Variants in LINGO2 observed in about 807,000 individuals in gnomAD.
LINGO2 encodes leucine rich repeat and Ig domain containing 2, also known as leucine-rich repeat and immunoglobulin-like domain-containing nogo receptor-interacting protein 2.
LINGO2 carries 14 observed loss-of-function variants against 30.6 expected under a neutral mutation model. The observed-to-expected ratio is 0.46, with a 90% confidence interval of 0.30 to 0.72. LINGO2 has a LOEUF of 0.72. Ranked by LOEUF, LINGO2 falls within the 30% of genes least tolerant of loss-of-function variation. LINGO2 has a pLI of 0.07. For missense variants in LINGO2, 729 were observed against 751.7 expected, an observed-to-expected ratio of 0.97 and a Z score of 0.35; for synonymous variants, 317 against 288.5, an observed-to-expected ratio of 1.10 and a Z score of -1.00.
At chr9:28,324,032 T>C (rs1825138583) in intron 3 of LINGO2, among the ~76,000 whole-genome samples, 1 of 152,320 alleles carries the variant, frequency 6.6e-6, no homozygotes, top group Admixed American at 6.5e-5. Flanking sequence ...ACAGCTCTTA[T>C]ATAAACAAAA....
the LINGO2 span, among the ~76,000 whole-genome samples, chr9:29,040,724 G>T: frequency 6.6e-6 from 1 of 151,860 alleles, no homozygotes; most frequent in South Asian, 2.1e-4. Flanking sequence ...AAATTATTAG[G>T]ATGTTATTTC....
intron 4 of LINGO2, among the ~76,000 whole-genome samples, chr9:28,069,688 G>A (rs939469704): frequency 4.6e-5 from 7 of 152,096 alleles, no homozygotes; most frequent in African/African-American, 1.2e-4. Flanking sequence ...TTCTGTCTAC[G>A]TTGAGGAGCA....
At chr9:28,591,058 A>T (rs1193525638) in intron 1 of LINGO2, among the ~76,000 whole-genome samples, 1 of 151,998 alleles carries the variant, frequency 6.6e-6, no homozygotes, top group East Asian at 1.9e-4. Flanking sequence ...TATTGCAAGG[A>T]CAAAAAACCA....
At chr9:28,167,426 G>A (rs987440867) in intron 4 of LINGO2, among the ~76,000 whole-genome samples, 2 of 152,146 alleles carry the variant, frequency 1.3e-5, no homozygotes, top group African/African-American at 4.8e-5. Flanking sequence ...TGTTGCCCCA[G>A]CTATAGTGCA....
At chr9:28,321,472 T>C (rs1825039049) in intron 3 of LINGO2, among the ~76,000 whole-genome samples, 1 of 152,176 alleles carries the variant, frequency 6.6e-6, no homozygotes, top group African/African-American at 2.4e-5. Context: ...ATAACAGTAA[T>C]GGAGGGCCTA....
At chr9:28,815,780 C>T in the LINGO2 span, among the ~76,000 whole-genome samples, 21,471 of 152,112 alleles carry the variant, frequency 0.14, 1,717 homozygotes, top group East Asian at 0.33. Flanking sequence ...AGTGATTAAT[C>T]GCATGTTATT....
chr9:28,479,272 T>A (rs1269872969), intron 1 of LINGO2, among the ~76,000 whole-genome samples: 2 of 151,954 alleles, frequency 1.3e-5, no homozygotes, highest in Non-Finnish European at 2.9e-5. Context: ...AGCCTTGTTT[T>A]TATAATCAAG....
chr9:28,363,757 C>A (rs878995455), intron 3 of LINGO2, among the ~76,000 whole-genome samples: 20 of 151,834 alleles, frequency 1.3e-4, no homozygotes, highest in Admixed American at 3.3e-4. Context: ...ATGATCAATT[C>A]CTGAGATTCC....
At chr9:28,487,644 C>T (rs1326978525) in intron 1 of LINGO2, among the ~76,000 whole-genome samples, 2 of 152,094 alleles carry the variant, frequency 1.3e-5, no homozygotes, top group Non-Finnish European at 2.9e-5. Context: ...CCATAATACA[C>T]CCACAAGAAA....
intron 4 of LINGO2, among the ~76,000 whole-genome samples, chr9:28,019,536 T>C (rs777949940): frequency 2.0e-5 from 3 of 152,086 alleles, no homozygotes; most frequent in Non-Finnish European, 2.9e-5. Flanking sequence ...CAGGTATATT[T>C]AATCTATGAG....
chr9:28,299,652 A>G (rs941760359), intron 3 of LINGO2, among the ~76,000 whole-genome samples: 5 of 152,148 alleles, frequency 3.3e-5, no homozygotes, highest in African/African-American at 9.7e-5. Flanking sequence ...AGAATCAGAA[A>G]GTTTAAGTTA....
At chr9:29,111,217 C>G in the LINGO2 span, among the ~76,000 whole-genome samples, 1 of 152,138 alleles carries the variant, frequency 6.6e-6, no homozygotes, top group Non-Finnish European at 1.5e-5. Context: ...GTTTTGTGTT[C>G]TGTTGACACA....
At chr9:28,293,735 C>T (rs946153342) in intron 4 of LINGO2, among the ~76,000 whole-genome samples, 7 of 152,058 alleles carry the variant, frequency 4.6e-5, no homozygotes, top group Non-Finnish European at 7.4e-5. Context: ...GAGGTTTTGA[C>T]ATGTAACCCA....
intron 1 of LINGO2, among the ~76,000 whole-genome samples, chr9:28,616,784 A>G (rs1426175662): frequency 6.6e-6 from 1 of 152,172 alleles, no homozygotes; most frequent in Non-Finnish European, 1.5e-5. Flanking sequence ...ATCAATCTCT[A>G]CTTACATGAA....
At chr9:28,610,585 G>A (rs1014915005) in intron 1 of LINGO2, among the ~76,000 whole-genome samples, 2 of 152,118 alleles carry the variant, frequency 1.3e-5, no homozygotes, top group Admixed American at 1.3e-4. Context: ...TGTGAACACA[G>A]CATTCAAGGT....
intron 2 of LINGO2, among the ~76,000 whole-genome samples, chr9:28,399,206 GAC>G (rs1822167198): frequency 6.6e-6 from 1 of 152,074 alleles, no homozygotes; most frequent in South Asian, 2.1e-4. Flanking sequence ...TGAGAAAATG[GAC>G]ACATAGACTA....
chr9:28,877,589 C>G, the LINGO2 span, among the ~76,000 whole-genome samples: 3 of 152,098 alleles, frequency 2.0e-5, no homozygotes, highest in East Asian at 1.9e-4. Flanking sequence ...TCTGAGGGCT[C>G]TGTTCTGTTC....
chr9:28,238,927 A>G (rs1821677734), intron 4 of LINGO2, among the ~76,000 whole-genome samples: 1 of 152,108 alleles, frequency 6.6e-6, no homozygotes, highest in Admixed American at 6.5e-5. Context: ...AGGAGACCCA[A>G]ATAATTAAAA....
intron 4 of LINGO2, among the ~76,000 whole-genome samples, chr9:28,276,423 C>A (rs1823117305): frequency 6.6e-6 from 1 of 152,164 alleles, no homozygotes; most frequent in Non-Finnish European, 1.5e-5. Flanking sequence ...TACTCCATGT[C>A]TCAGTTACCT....
Sources: gnomAD v4.1 joint callset for allele counts (sites outside exome capture counted in the v4.1 genomes callset) on GRCh38, gnomAD v4.1.1 for gene constraint, MANE v1.5 for transcripts, NCBI Gene and HGNC (gene_info 2026-07-23, HGNC 2026-07-21) for gene names.